Variants in TGFBR3 observed in about 807,000 individuals in gnomAD.
The protein encoded by TGFBR3 is transforming growth factor beta receptor type 3.
A neutral mutation model predicts 87.9 loss-of-function variants in TGFBR3; 46 were observed. The ratio of observed to expected loss-of-function variants is 0.52; its 90% CI spans 0.41 to 0.67. The LOEUF (loss-of-function observed/expected upper bound fraction) is 0.67, where lower values mean the gene tolerates loss of function less well. TGFBR3 is among the 30% of genes least tolerant of loss of function. TGFBR3 has a pLI of 0.00. For synonymous variants in TGFBR3, 381 were observed against 391.6 expected (o/e 0.97, Z 0.32); for missense variants, 866 against 1,041.9 (o/e 0.83, Z 2.32).
chr1:91,777,774 CT>C (rs1674619327), intron 3 of TGFBR3, among the ~76,000 whole-genome samples: 1 of 152,164 alleles, frequency 6.6e-6, no homozygotes, highest in Non-Finnish European at 1.5e-5. Context: ...AGGTGTTGCT[CT>C]TTGTCCCTGG....
intron 2 of TGFBR3, among the ~76,000 whole-genome samples, chr1:91,808,221 C>G (rs284154): frequency 0.67 from 101,824 of 152,034 alleles, 34,255 homozygotes; most frequent in East Asian, 0.78. Context: ...GAGGCCAGGA[C>G]TTCAAGACCA....
chr1:91,776,592 G>A (rs767239980), intron 3 of TGFBR3, among the ~76,000 whole-genome samples: 4 of 152,068 alleles, frequency 2.6e-5, no homozygotes, highest in Non-Finnish European at 5.9e-5. Context: ...CAAATAAAAT[G>A]CCAGGTTTTG....
intron 7 of TGFBR3, among the ~76,000 whole-genome samples, chr1:91,725,980 G>A (rs374336316): frequency 3.9e-5 from 6 of 152,302 alleles, no homozygotes; most frequent in East Asian, 1.9e-4. Context: ...GCATAAACTG[G>A]TTGGGAGAAT....
chr1:91,814,089 C>A (rs985322207), intron 2 of TGFBR3, among the ~76,000 whole-genome samples: 1 of 152,224 alleles, frequency 6.6e-6, no homozygotes, highest in African/African-American at 2.4e-5. Context: ...CTCTATGGTA[C>A]AATACCATTT....
At chr1:91,871,776 T>G (rs1442617071) in intron 1 of TGFBR3, among the ~76,000 whole-genome samples, 1 of 152,148 alleles carries the variant, frequency 6.6e-6, no homozygotes, top group African/African-American at 2.4e-5. Flanking sequence ...TAGTGGAAAG[T>G]GCGGGGCCCC....
At chr1:91,729,285 T>C (rs1467799776) in intron 6 of TGFBR3, among the ~76,000 whole-genome samples, 39 of 143,124 alleles carry the variant, frequency 2.7e-4, no homozygotes, top group East Asian at 6.3e-4. Context: ...TGCATGCGCA[T>C]ACACACACAC....
chr1:91,763,090 T>A (rs1202403418), intron 3 of TGFBR3, among the ~76,000 whole-genome samples: 2 of 152,204 alleles, frequency 1.3e-5, no homozygotes, highest in Non-Finnish European at 2.9e-5. Flanking sequence ...ACTCTGTAGA[T>A]TACTTTATGA....
At chr1:91,798,987 G>A (rs532789255) in intron 2 of TGFBR3, among the ~76,000 whole-genome samples, 2 of 152,114 alleles carry the variant, frequency 1.3e-5, no homozygotes, top group South Asian at 2.1e-4. Flanking sequence ...CTGTGAGCTT[G>A]GTGCTATTGT....
intron 1 of TGFBR3, among the ~76,000 whole-genome samples, chr1:91,872,835 G>T (rs1021321313): frequency 6.6e-6 from 1 of 152,178 alleles, no homozygotes; most frequent in African/African-American, 2.4e-5. Context: ...TAAGGATGGG[G>T]GGACCCACAG....
upstream of TGFBR3, among the ~76,000 whole-genome samples, chr1:91,887,151 C>T (rs992769021): frequency 1.3e-5 from 2 of 150,856 alleles, no homozygotes; most frequent in South Asian, 2.1e-4. Context: ...AAATGGCTAA[C>T]GGCTAATACC....
chr1:91,871,143 T>C (rs998737752), intron 1 of TGFBR3, among the ~76,000 whole-genome samples: 5 of 152,094 alleles, frequency 3.3e-5, no homozygotes, highest in Admixed American at 2.6e-4. Context: ...CCCATGCTCT[T>C]AACTACTACA....
intron 16 of TGFBR3, among the ~76,000 whole-genome samples, chr1:91,687,940 A>G (rs1484759288): frequency 6.6e-6 from 1 of 152,230 alleles, no homozygotes; most frequent in Admixed American, 6.5e-5. Context: ...TTTTCTATCA[A>G]TTAATGTCTC....
At chr1:91,721,746 T>C (rs1298062533) in intron 8 of TGFBR3, among the ~76,000 whole-genome samples, 1 of 152,212 alleles carries the variant, frequency 6.6e-6, no homozygotes, top group African/African-American at 2.4e-5. Flanking sequence ...TCTCTGAATA[T>C]GCATTCAACT....
rs1037495015 is a variant in TGFBR3 at position 91,822,308 on chromosome 1, A to T, written c.62-24837T>A. 4.0e-3 allele frequency among the ~76,000 whole-genome samples: 609 copies of T among 151,038 alleles called. 4 individuals carry two copies. Among genetic ancestry groups the T allele is most frequent in the Non-Finnish European group, 6.0e-3 (404 of 67,690 alleles). On this transcript the variant is annotated intron_variant, in intron 2 of 16. Transcript: ENST00000212355. The stretch of plus-strand genomic sequence containing the variant: ...AGCAAAGCATTAAAAAAAAAAAAAA[A>T]AAAAAAAAAAAAAAAGATGAATCTT...
intron 3 of TGFBR3, among the ~76,000 whole-genome samples, chr1:91,761,869 G>T (rs1348401515): frequency 6.6e-6 from 1 of 152,056 alleles, no homozygotes; most frequent in Non-Finnish European, 1.5e-5. Flanking sequence ...AGCTTTTTGT[G>T]GTTACACTCT....
At chr1:91,764,153 T>C (rs1425983303) in intron 3 of TGFBR3, among the ~76,000 whole-genome samples, 1 of 151,846 alleles carries the variant, frequency 6.6e-6, no homozygotes, top group African/African-American at 2.4e-5. Context: ...CTTGGTCAAA[T>C]GGTATCAAGC....
In TGFBR3 at chr1:91,729,939, C is replaced by A; in HGVS notation, c.603G>T (p.Lys201Asn). 2 of 1,614,146 alleles carry A rather than the reference C, an allele frequency of 1.2e-6. No individual in the cohort carries two copies. Among genetic ancestry groups the A allele is most frequent in the East Asian group, 2.2e-5 (1 of 44,870 alleles). ...QVFPPKCNIGKNFLSLNYLAE... is the reference protein window; with the variant it reads ...QVFPPKCNIGNNFLSLNYLAE... Reference sequence around the variant, plus strand: ...CAAGGTAATTGAGTGAGAGAAAATTCTTCCCTATGTTGCACTTTGGAGGGA... The same window carrying A: ...CAAGGTAATTGAGTGAGAGAAAATTATTCCCTATGTTGCACTTTGGAGGGA... The change falls in exon 6 of 17, where the codon AAG becomes AAT. Residue 201 changes from lysine to asparagine, a missense_variant. Coordinates refer to ENST00000212355, the MANE Select transcript of TGFBR3 (RefSeq NM_003243.5).
intron 2 of TGFBR3, among the ~76,000 whole-genome samples, chr1:91,817,264 G>T (rs1676266451): frequency 6.6e-6 from 1 of 151,984 alleles, no homozygotes; most frequent in Non-Finnish European, 1.5e-5. Context: ...CGTTCAAACG[G>T]CATGGAAACT....
chr1:91,855,910 T>TC (rs924906751), intron 2 of TGFBR3, among the ~76,000 whole-genome samples: 3 of 143,978 alleles, frequency 2.1e-5, no homozygotes, highest in East Asian at 2.0e-4. Context: ...ATTCTCTCTC[T>TC]TTTTTTTTTA....
Sources: gnomAD v4.1 joint callset for allele counts (sites outside exome capture counted in the v4.1 genomes callset) on GRCh38, gnomAD v4.1.1 for gene constraint, MANE v1.5 for transcripts, NCBI Gene and HGNC (gene_info 2026-07-23, HGNC 2026-07-21) for gene names.